The following ABCA13 variants were observed in gnomAD, a reference collection of about 807,000 sequenced individuals.
The protein encoded by ABCA13 is ATP binding cassette subfamily A member 13.
In ABCA13, 476 loss-of-function variants were observed where a neutral mutation model predicts 478.7. The ratio of observed to expected loss-of-function variants is 0.99; its 90% CI spans 0.92 to 1.07. The LOEUF (loss-of-function observed/expected upper bound fraction) is 1.07. ABCA13 is among the 50% of genes least tolerant of loss of function. The probability of loss-of-function intolerance (pLI) is 0.00; values close to 1 mark genes in which losing one functional copy is unlikely to be tolerated. For missense variants in ABCA13, 6,060 were observed against 5,910.6 expected (o/e 1.03, Z -0.83); for synonymous variants, 2,252 against 2,158.9 (o/e 1.04, Z -1.20).
intron 45 of ABCA13, among the ~76,000 whole-genome samples, chr7:48,478,518 C>T (rs1366902926): frequency 6.6e-6 from 1 of 151,942 alleles, no homozygotes; most frequent in Admixed American, 6.6e-5. Context: ...GATTATCTAT[C>T]CCCCAATGAA....
chr7:48,404,998 G>T (rs181035488), intron 39 of ABCA13, among the ~76,000 whole-genome samples: 2 of 152,224 alleles, frequency 1.3e-5, no homozygotes, highest in African/African-American at 4.8e-5. Flanking sequence ...CCACATCTGC[G>T]GTGCTGGCTC....
intron 10 of ABCA13, among the ~76,000 whole-genome samples, chr7:48,243,390 C>A (rs570173791): frequency 6.6e-6 from 1 of 152,376 alleles, no homozygotes; most frequent in Non-Finnish European, 1.5e-5. Context: ...CAATGACTGA[C>A]CTAAGCCCAG....
At chr7:48,413,307 T>G (rs934059342) in intron 41 of ABCA13, among the ~76,000 whole-genome samples, 1 of 152,216 alleles carries the variant, frequency 6.6e-6, no homozygotes, top group African/African-American at 2.4e-5. Flanking sequence ...ACGGGAACAC[T>G]GCAGACGCCT....
At chr7:48,558,149 C>T (rs1417620287) in intron 55 of ABCA13, among the ~76,000 whole-genome samples, 1 of 141,806 alleles carries the variant, frequency 7.1e-6, no homozygotes, top group Non-Finnish European at 1.5e-5. Context: ...CTTCCTTTCT[C>T]CATCCCTCCC....
Position 48,524,472 on chromosome 7 carries a change from G to C in ABCA13, c.14244+32G>C, listed in dbSNP as rs1245969813. 3 of 1,572,510 alleles carry C rather than the reference G, an allele frequency of 1.9e-6. No individual in the cohort carries two copies. The African/African-American group carries it at 4.1e-5, about 22-fold the overall frequency. ...AAGCTTCTATTTTTAATCTTCTTCTGTTGTGAACCTGTACAACTCTAGTAG... is the reference window on the plus strand; with the variant it reads ...AAGCTTCTATTTTTAATCTTCTTCTCTTGTGAACCTGTACAACTCTAGTAG... On this transcript the variant is annotated intron_variant, in intron 54 of 61. Coordinates refer to ENST00000435803, the MANE Select transcript of ABCA13 (RefSeq NM_152701.5).
At chr7:48,188,778 A>G (rs1475843832) in intron 1 of ABCA13, among the ~76,000 whole-genome samples, 2 of 152,154 alleles carry the variant, frequency 1.3e-5, no homozygotes, top group African/African-American at 4.8e-5. Flanking sequence ...CCCAAATGCC[A>G]TCGTGGCTCA....
intron 19 of ABCA13, among the ~76,000 whole-genome samples, chr7:48,285,366 T>C (rs1344379450): frequency 1.3e-5 from 2 of 151,920 alleles, no homozygotes; most frequent in Non-Finnish European, 2.9e-5. Context: ...GGAGAGGCAA[T>C]GAGAGGTGGA....
intron 1 of ABCA13, among the ~76,000 whole-genome samples, chr7:48,174,785 C>T (rs1211135509): frequency 6.6e-6 from 1 of 152,064 alleles, no homozygotes; most frequent in Non-Finnish European, 1.5e-5. Context: ...TTTTTTCCCA[C>T]TTTATATTGA....
At chr7:48,415,610 G>A (rs1049571074) in intron 41 of ABCA13, among the ~76,000 whole-genome samples, 3 of 152,074 alleles carry the variant, frequency 2.0e-5, no homozygotes, top group Non-Finnish European at 2.9e-5. Context: ...TTCCCTTTAC[G>A]TAAGTGGCAT....
At chr7:48,332,784 GGTTTCA>G in intron 27 of ABCA13, among the ~76,000 whole-genome samples, 1 of 152,188 alleles carries the variant, frequency 6.6e-6, no homozygotes, top group East Asian at 1.9e-4. Context: ...TGGCTCCCAG[GGTTTCA>G]GATGAGAGAT....
At chr7:48,412,665 G>A in intron 41 of ABCA13, 82 bp downstream of exon 41, 13 of 1,185,066 alleles carry the variant, frequency 1.1e-5, no homozygotes, top group Non-Finnish European at 1.3e-5. Context: ...TGGGTAAAGG[G>A]GGGGAGATGT....
chr7:48,454,538 G>T (rs1011459636), intron 42 of ABCA13, among the ~76,000 whole-genome samples: 8 of 152,188 alleles, frequency 5.3e-5, no homozygotes, highest in African/African-American at 1.9e-4. Flanking sequence ...GTGGGCAGGC[G>T]CCGGGCTCTC....
rs114590730 is a variant in ABCA13 at position 48,525,280 on chromosome 7, T to C, written c.14244+840T>C. On this transcript the variant is annotated intron_variant, in intron 54 of 61. Transcript: ENST00000435803. ...TTTTTTAGTAGTTGTTAGCTTCTGC[T>C]CTAAGACTGGCTATGCAATCTTACC... is the stretch of plus-strand genomic sequence containing the variant. 6.2e-3 allele frequency among the ~76,000 whole-genome samples: 946 copies of C among 152,260 alleles called. 10 individuals are homozygous for C. Among genetic ancestry groups the C allele is most frequent in the African/African-American group, 0.022 (902 of 41,578 alleles).
chr7:48,463,776 C>CGGAAT (rs199992643), intron 43 of ABCA13, among the ~76,000 whole-genome samples: 3,845 of 106,390 alleles, frequency 0.036, 102 homozygotes, highest in African/African-American at 0.12. Flanking sequence ...GGGAAAAGAA[C>CGGAAT]GGAATGGAAT....
intron 19 of ABCA13, among the ~76,000 whole-genome samples, chr7:48,287,510 CA>C (rs1210421910): frequency 1.3e-5 from 2 of 152,084 alleles, no homozygotes; most frequent in Non-Finnish European, 2.9e-5. Context: ...GACTGGCTTC[CA>C]GGAAGTGACT....
intron 9 of ABCA13, among the ~76,000 whole-genome samples, chr7:48,239,747 A>G (rs1020848841): frequency 1.3e-5 from 2 of 152,232 alleles, no homozygotes; most frequent in African/African-American, 4.8e-5. Context: ...TTTGCATGCT[A>G]GCATTGGGCA....
At chr7:48,421,139 G>T (rs1358956736) in intron 41 of ABCA13, among the ~76,000 whole-genome samples, 1 of 152,032 alleles carries the variant, frequency 6.6e-6, no homozygotes, top group African/African-American at 2.4e-5. Flanking sequence ...TTTTTCCCAG[G>T]TAAAGTGGAA....
chr7:48,292,680 G>A (rs1798703038), intron 20 of ABCA13, among the ~76,000 whole-genome samples: 1 of 152,122 alleles, frequency 6.6e-6, no homozygotes, highest in Non-Finnish European at 1.5e-5. Context: ...CACCTGCAGT[G>A]TGCTTCCCTA....
intron 20 of ABCA13, among the ~76,000 whole-genome samples, chr7:48,293,635 T>C (rs1276511705): frequency 6.6e-6 from 1 of 152,224 alleles, no homozygotes; most frequent in Non-Finnish European, 1.5e-5. Context: ...ACATAGATGT[T>C]ATATGTTTGT....
Sources: allele counts gnomAD v4.1 joint callset (sites outside exome capture counted in the v4.1 genomes callset), GRCh38; gene constraint gnomAD v4.1.1; transcripts MANE v1.5; gene names NCBI Gene and HGNC (gene_info 2026-07-23, HGNC 2026-07-21).